Variants in KCNA4 observed in about 807,000 individuals in gnomAD.
KCNA4 encodes the protein cardiac potassium channel.
Under a neutral mutation model 37.2 loss-of-function variants are expected in KCNA4, and 5 were observed. That is an observed-to-expected ratio of 0.13 (90% confidence interval 0.07 to 0.28). KCNA4 has a LOEUF of 0.28. Ranked by LOEUF, KCNA4 falls within the 10% of genes least tolerant of loss-of-function variation. KCNA4 has a pLI of 1.00. For synonymous variants in KCNA4, 350 were observed against 311.8 expected (o/e 1.12, Z -1.29); for missense variants, 634 against 817.4 (o/e 0.78, Z 2.74).
rs1372873478 is a variant in KCNA4 at position 30,010,065 on chromosome 11, A to T, written c.*652T>A. ...CTATAATGTTAGACATTTGCTGTTA[A>T]GTCTTCCCAAAATTAATAACAAAAT... On this transcript the variant is annotated 3_prime_UTR_variant, in exon 2 of 2. Coordinates refer to ENST00000328224, the MANE Select transcript of KCNA4 (RefSeq NM_002233.4). The T allele has an allele frequency of 6.6e-6, 1 of 152,166 alleles. No individual in the cohort carries two copies. The highest frequency in any genetic ancestry group is 2.4e-5 in the African/African-American group (1 of 41,440). The allele number at this position is 152,166 out of a possible 1,614,324, so 9.4% of individuals were successfully genotyped here.
At chr11:30,015,667 GAAAGA>G (rs1409685107) in intron 1 of KCNA4, among the ~76,000 whole-genome samples, 17 of 152,038 alleles carry the variant, frequency 1.1e-4, no homozygotes, top group Admixed American at 3.9e-4. Flanking sequence ...AAGGGAGAGA[GAAAGA>G]AAAGAAGAGA....
chr11:30,011,340 G>A lies in KCNA4; in HGVS notation c.1339C>T (p.Arg447Cys), dbSNP rs1850301085. 1.9e-6 allele frequency: 3 copies of A among 1,614,036 alleles called. No homozygotes were observed. Among genetic ancestry groups the A allele is most frequent in the African/African-American group, 1.3e-5 (1 of 74,904 alleles). ...AAGATCCGGAATACTCGGACCAGAC[G>A]AATGATTCTGAGGATGGCAAAGGAC... Reference protein sequence around the residue: ...AMSFAILRIIRLVRVFRIFKL... With the variant: ...AMSFAILRIICLVRVFRIFKL... Residue 447 changes from arginine to cysteine, a missense_variant, in exon 2 of 2, where the codon CGT becomes TGT. By Grantham distance (180) the Arg-to-Cys change is radical. Coordinates refer to ENST00000328224, the MANE Select transcript of KCNA4 (RefSeq NM_002233.4). The surrounding 1 kb of genome is among the most constrained non-coding windows in gnomAD (Gnocchi z 5.6).
Position 30,012,306 on chromosome 11 carries a change from C to G in KCNA4, c.373G>C (p.Glu125Gln). ...EKILRELSEE[E>Q]EDEEEEEEEE... is the part of the protein sequence containing the mutation. ...TCTTCCTCCTCCTCCTCATCTTCCT[C>G]CTCCTCACTCAGCTCCCTCAGGATC... Residue 125 changes from glutamate (E) to glutamine (Q), a missense_variant, in exon 2 of 2, where the codon GAG becomes CAG. Transcript: ENST00000328224. The G allele has an allele frequency of 6.2e-7, 1 of 1,614,060 alleles. No homozygotes were observed. Among genetic ancestry groups the G allele is most frequent in the Non-Finnish European group, 8.5e-7 (1 of 1,179,980 alleles).
At position 30,010,074 on chromosome 11, in the gene KCNA4, A is replaced by G. The variant is rs1221238598; in HGVS notation, c.*643T>C. The G allele has an allele frequency of 6.6e-6, 1 of 152,194 alleles. No homozygotes were observed. Among genetic ancestry groups the G allele is most frequent in the African/African-American group, 2.4e-5 (1 of 41,460 alleles). The allele number at this position is 152,194 out of a possible 1,614,324, so 9.4% of individuals were successfully genotyped here. On this transcript the variant is annotated 3_prime_UTR_variant, in exon 2 of 2. Transcript: ENST00000328224. ...TAGACATTTGCTGTTAAGTCTTCCCAAAATTAATAACAAAATATAATCAAT... is the reference window on the plus strand; with the variant it reads ...TAGACATTTGCTGTTAAGTCTTCCCGAAATTAATAACAAAATATAATCAAT...
chr11:30,015,109 A>G (rs545330056), intron 1 of KCNA4, among the ~76,000 whole-genome samples: 1 of 152,218 alleles, frequency 6.6e-6, no homozygotes, highest in South Asian at 2.1e-4. Flanking sequence ...TTTGATTGCA[A>G]CACAAACTCC....
chr11:30,014,128 G>A (rs1850330924), intron 1 of KCNA4, among the ~76,000 whole-genome samples: 1 of 152,020 alleles, frequency 6.6e-6, no homozygotes, highest in East Asian at 1.9e-4. Context: ...ATAAACACTG[G>A]CAGTTATGAA....
chr11:30,016,783 C>T lies in KCNA4; in HGVS notation c.-994G>A. ...TGGCCCGAGGGGTGCACAGAGTCCTCGCGGCTGGAGCCTGGGGGTGGGGGT... is the reference window on the plus strand; with the variant it reads ...TGGCCCGAGGGGTGCACAGAGTCCTTGCGGCTGGAGCCTGGGGGTGGGGGT... On this transcript the variant is annotated 5_prime_UTR_variant, in exon 1 of 2. Coordinates refer to ENST00000328224, the MANE Select transcript of KCNA4 (RefSeq NM_002233.4). The T allele has an allele frequency of 5.2e-6, 2 of 385,104 alleles. No individual in the cohort carries two copies. The highest frequency in any genetic ancestry group is 4.6e-6 in the Non-Finnish European group (1 of 218,128). 23.9% of individuals were successfully genotyped at this position (385,104 alleles called of 1,614,324 possible).
In KCNA4 at chr11:30,010,427, C is replaced by T; in HGVS notation, c.*290G>A. On this transcript the variant is annotated 3_prime_UTR_variant, in exon 2 of 2. Transcript: ENST00000328224. ...ACATATACACACACACGCACACACT[C>T]TCTCTCTCCATCTTTACTGTTAACA... 1 of 433,074 alleles carries T rather than the reference C, an allele frequency of 2.3e-6. No individual in the cohort carries two copies. Among genetic ancestry groups the T allele is most frequent in the Non-Finnish European group, 4.1e-6 (1 of 245,890 alleles). The allele number at this position is 433,074 out of a possible 1,614,324, so 26.8% of individuals were successfully genotyped here. A position where few individuals can be genotyped will look rare whatever the true frequency, so the allele number is the denominator to read the frequency against.
At position 30,010,654 on chromosome 11, in the gene KCNA4, A is replaced by G. The variant is rs1389657118; in HGVS notation, c.*63T>C. Reference sequence around the variant, plus strand: ...TTGCATATTTCATTTTCATAACTGCACTCTCTATGCATAAATATATTTGGA... The same window carrying G: ...TTGCATATTTCATTTTCATAACTGCGCTCTCTATGCATAAATATATTTGGA... On this transcript the variant is annotated 3_prime_UTR_variant, in exon 2 of 2. Coordinates refer to ENST00000328224, the MANE Select transcript of KCNA4 (RefSeq NM_002233.4). 6.5e-7 allele frequency: 1 copy of G among 1,534,446 alleles called. No individual in the cohort carries two copies. The highest frequency in any genetic ancestry group is 2.1e-5 in the Admixed American group (1 of 46,794).
chr11:30,012,346 A>C lies in KCNA4; in HGVS notation c.333T>G (p.Ser111Arg). 6.2e-7 allele frequency: 1 copy of C among 1,614,014 alleles called. No homozygotes were observed. Among genetic ancestry groups the C allele is most frequent in the Non-Finnish European group, 8.5e-7 (1 of 1,179,992 alleles). Residue 111 changes from serine to arginine, a missense_variant, in exon 2 of 2, where the codon AGT (serine) becomes AGG (arginine). Physicochemically the swap from Ser to Arg is moderately radical, Grantham distance 110. Around this residue, in one of 8 missense-constraint regions of KCNA4, gnomAD observed 236 missense variants for 229.5 expected, o/e 1.03. Coordinates refer to ENST00000328224, the MANE Select transcript of KCNA4 (RefSeq NM_002233.4). ...SFPHCSDLMP[S>R]GSEEKILREL... ...CCCTCAGGATCTTCTCCTCAGAGCC[A>C]CTGGGCATCAGGTCAGAGCAATGAG... is the stretch of plus-strand genomic sequence containing the variant.
In KCNA4 at chr11:30,011,092, G is replaced by A. The variant is rs1564935616; in HGVS notation, c.1587C>T (p.Asp529=). 1.2e-6 allele frequency: 2 copies of A among 1,614,136 alleles called. No individual in the cohort carries two copies. The highest frequency in any genetic ancestry group is 1.7e-6 in the Non-Finnish European group (2 of 1,180,014). ...VVTMTTVGYG[D]MKPITVGGKI... ...TGCCCCCTACAGTGATGGGCTTCAT[G>A]TCCCCATAGCCCACAGTTGTCATGG... The change falls in exon 2 of 2, where the codon GAC becomes GAT. Residue 529 remains aspartate, a synonymous_variant. Transcript: ENST00000328224. This position sits in a 1 kb window ranked among gnomAD's most constrained non-coding sequence, Gnocchi z 5.6.
chr11:30,011,704 G>A lies in KCNA4; in HGVS notation c.975C>T (p.Cys325=). The A allele has an allele frequency of 1.9e-6, 3 of 1,614,086 alleles. No homozygotes were observed. The highest frequency in any genetic ancestry group is 3.3e-5 in the Admixed American group (2 of 60,012). ...LVILISIVIF[C]LETLPEFRDD... ...CCCTAAACTCAGGCAAGGTTTCCAG[G>A]CAAAAGATGACAATGGAGATTAAGA... The change falls in exon 2 of 2, where the codon TGC becomes TGT. Residue 325 remains cysteine, a synonymous_variant. Transcript: ENST00000328224. The surrounding 1 kb of genome is among the most constrained non-coding windows in gnomAD (Gnocchi z 5.6).
chr11:30,013,860 A>G lies in KCNA4; in HGVS notation c.-782-400T>C, dbSNP rs138080565. On this transcript the variant is annotated intron_variant, in intron 1 of 1. Transcript: ENST00000328224. ...TTCATCTATTTCAAGGCAATTTTTA[A>G]AATTTCCACTCATAAAGTGTTTCTG... Among the ~76,000 whole-genome samples the G allele has an allele frequency of 2.0e-5, 3 of 152,288 alleles. No homozygotes were observed. In the East Asian group the frequency reaches 5.8e-4, roughly 29 times the overall value.
At position 30,016,814 on chromosome 11, in the gene KCNA4, C is replaced by A. The variant is rs990590123; in HGVS notation, c.-1025G>T. The A allele has an allele frequency of 7.6e-6, 3 of 392,856 alleles. No individual in the cohort carries two copies. The highest frequency in any genetic ancestry group is 6.2e-5 in the African/African-American group (3 of 48,356). 24.3% of individuals were successfully genotyped at this position (392,856 alleles called of 1,614,324 possible). ...TGGAGCCTGGGGGTGGGGGTTGGGGCTGCCCCAGAGAAGACCCCAAGACTC... is the reference window on the plus strand; with the variant it reads ...TGGAGCCTGGGGGTGGGGGTTGGGGATGCCCCAGAGAAGACCCCAAGACTC... On this transcript the variant is annotated 5_prime_UTR_variant, in exon 1 of 2. Coordinates refer to ENST00000328224, the MANE Select transcript of KCNA4 (RefSeq NM_002233.4).
Position 30,010,538 on chromosome 11 carries a change from T to G in KCNA4, c.*179A>C, listed in dbSNP as rs1850292867. ...TCCTATTCCTCCCTCTTCTCCAAGA[T>G]GTATCATTTATTTGATATGTAATAC... is the stretch of plus-strand genomic sequence containing the variant. On this transcript the variant is annotated 3_prime_UTR_variant, in exon 2 of 2. Transcript: ENST00000328224. 1.0e-6 allele frequency: 1 copy of G among 961,620 alleles called. No homozygotes were observed. Among genetic ancestry groups the G allele is most frequent in the East Asian group, 2.8e-5 (1 of 35,244 alleles). The allele number at this position is 961,620 out of a possible 1,614,324, so 59.6% of individuals were successfully genotyped here. A position where few individuals can be genotyped will look rare whatever the true frequency, so the allele number is the denominator to read the frequency against.
rs1363123196 is a variant in KCNA4 at position 30,012,467 on chromosome 11, C to T, written c.212G>A (p.Cys71Tyr). The stretch of plus-strand genomic sequence containing the variant: ...GCTGCTCTGAGGGTCATGGGAGGTA[C>T]AGGCCCCGCGTGACTGGTGGTGGTG... Reference protein sequence around the residue: ...SHHHHQSRGACTSHDPQSSRG... With the variant: ...SHHHHQSRGAYTSHDPQSSRG... Residue 71 changes from cysteine to tyrosine, a missense_variant, in exon 2 of 2, where the codon TGT becomes TAT. Coordinates refer to ENST00000328224, the MANE Select transcript of KCNA4 (RefSeq NM_002233.4). The T allele has an allele frequency of 3.7e-6, 6 of 1,612,230 alleles. No individual in the cohort carries two copies. Among genetic ancestry groups the T allele is most frequent in the Non-Finnish European group, 5.1e-6 (6 of 1,179,996 alleles).
Position 30,011,834 on chromosome 11 carries a change from C to T in KCNA4, c.845G>A (p.Arg282Lys). 6.2e-7 allele frequency: 1 copy of T among 1,614,096 alleles called. No individual in the cohort carries two copies. The highest frequency in any genetic ancestry group is 8.5e-7 in the Non-Finnish European group (1 of 1,180,018). ...DEGFVREEED[R>K]ALPENEFKKQ... ...TTTAAATTCATTCTCGGGGAGGGCC[C>T]TGTCTTCCTCTTCTCTCACAAAGCC... Residue 282 changes from arginine to lysine, a missense_variant, in exon 2 of 2, where the codon AGG (arginine) becomes AAG (lysine). Around this residue, in one of 8 missense-constraint regions of KCNA4, gnomAD observed 252 missense variants for 344.2 expected, o/e 0.73. Coordinates refer to ENST00000328224, the MANE Select transcript of KCNA4 (RefSeq NM_002233.4). The surrounding 1 kb of genome is among the most constrained non-coding windows in gnomAD (Gnocchi z 5.6).
In KCNA4 at chr11:30,011,491, T is replaced by C. The variant is rs564199751; in HGVS notation, c.1188A>G (p.Gln396=). The change falls in exon 2 of 2, where the codon CAA becomes CAG. Residue 396 remains glutamine (Q), a synonymous_variant. Coordinates refer to ENST00000328224, the MANE Select transcript of KCNA4 (RefSeq NM_002233.4). This position sits in a 1 kb window ranked among gnomAD's most constrained non-coding sequence, Gnocchi z 5.6. ...FVVRCFACPS[Q]ALFFKNIMNI... ...TCATGATGTTTTTGAAGAAGAGTGC[T>C]TGGCTGGGACAAGCAAAGCAGCGAA... 2 of 1,614,078 alleles carry C rather than the reference T, an allele frequency of 1.2e-6. No individual in the cohort carries two copies. Among genetic ancestry groups the C allele is most frequent in the South Asian group, 2.2e-5 (2 of 91,074 alleles).
At chr11:30,014,817 G>A (rs1384414424) in intron 1 of KCNA4, among the ~76,000 whole-genome samples, 1 of 152,074 alleles carries the variant, frequency 6.6e-6, no homozygotes, top group Admixed American at 6.6e-5. Flanking sequence ...AAGAATGCAG[G>A]GAGTAACCCA....
Sources: allele counts gnomAD v4.1 joint callset (sites outside exome capture counted in the v4.1 genomes callset), GRCh38; gene constraint gnomAD v4.1.1; regional missense constraint gnomAD v4.1.1; non-coding constraint Gnocchi (gnomAD v3.1); transcripts MANE v1.5; gene names NCBI Gene and HGNC (gene_info 2026-07-23, HGNC 2026-07-21).